ENPP6: variants seen among roughly 807,000 people sequenced by gnomAD.
The protein encoded by ENPP6 is ectonucleotide pyrophosphatase/phosphodiesterase 6.
In ENPP6, 32 loss-of-function variants were observed where a neutral mutation model predicts 42.0. The ratio of observed to expected loss-of-function variants is 0.76; its 90% CI spans 0.58 to 1.02. ENPP6 has a LOEUF of 1.02. Among genes scored for constraint, ENPP6 ranks in the 50% least tolerant of loss-of-function variants. The pLI, the probability that ENPP6 is intolerant of heterozygous loss-of-function variation, is 0.00. For missense variants in ENPP6, 552 were observed against 566.8 expected (o/e 0.97, Z 0.27); for synonymous variants, 213 against 216.0 (o/e 0.99, Z 0.12).
chr4:184,110,466 CTG>C (rs1443665460), intron 6 of ENPP6, among the ~76,000 whole-genome samples: 2 of 152,204 alleles, frequency 1.3e-5, no homozygotes, highest in Non-Finnish European at 2.9e-5. Flanking sequence ...GTATTCATAA[CTG>C]TGTATGTTTT....
chr4:184,200,916 C>G (rs1732884354), intron 1 of ENPP6, among the ~76,000 whole-genome samples: 1 of 152,192 alleles, frequency 6.6e-6, no homozygotes, highest in African/African-American at 2.4e-5. Flanking sequence ...GTTCCTTCAT[C>G]AAGAAGTAAA....
At chr4:184,189,808 C>T (rs150901000) in intron 1 of ENPP6, among the ~76,000 whole-genome samples, 94 of 152,322 alleles carry the variant, frequency 6.2e-4, no homozygotes, top group Non-Finnish European at 8.4e-4. Flanking sequence ...ACTTCTGGTC[C>T]ATCCTGACTC....
intron 1 of ENPP6, among the ~76,000 whole-genome samples, chr4:184,192,510 G>A (rs111742525): frequency 1.0e-3 from 159 of 152,238 alleles, no homozygotes; most frequent in African/African-American, 3.4e-3. Context: ...GAAAACATAG[G>A]AGTAAATCAT....
At chr4:184,214,269 T>C (rs1181649916) in intron 1 of ENPP6, among the ~76,000 whole-genome samples, 1 of 151,806 alleles carries the variant, frequency 6.6e-6, no homozygotes, top group African/African-American at 2.4e-5. Context: ...AAAGATTCAA[T>C]GTTCCTGGCA....
intron 6 of ENPP6, among the ~76,000 whole-genome samples, chr4:184,109,686 C>A (rs927544002): frequency 2.6e-5 from 4 of 152,136 alleles, no homozygotes; most frequent in Non-Finnish European, 5.9e-5. Flanking sequence ...TACCTCAAAT[C>A]TTCCTTTGGA....
chr4:184,201,499 T>C (rs187349861), intron 1 of ENPP6, among the ~76,000 whole-genome samples: 1 of 152,252 alleles, frequency 6.6e-6, no homozygotes, highest in Admixed American at 6.5e-5. Flanking sequence ...TTGCTGTTAT[T>C]ACAATCAAAA....
intron 2 of ENPP6, among the ~76,000 whole-genome samples, chr4:184,135,294 A>C (rs1736714343): frequency 6.6e-6 from 1 of 152,196 alleles, no homozygotes; most frequent in Non-Finnish European, 1.5e-5. Context: ...AGATGTGTTT[A>C]AATCCACTAT....
intron 6 of ENPP6, among the ~76,000 whole-genome samples, chr4:184,102,152 G>T (rs138396684): frequency 6.6e-6 from 1 of 152,308 alleles, no homozygotes; most frequent in Non-Finnish European, 1.5e-5. Flanking sequence ...CTTTACCTCC[G>T]AATCAGAAAC....
At chr4:184,168,545 C>T (rs1013046160) in intron 1 of ENPP6, among the ~76,000 whole-genome samples, 19 of 152,346 alleles carry the variant, frequency 1.2e-4, no homozygotes, top group African/African-American at 4.6e-4. Flanking sequence ...CGCGGGGCTC[C>T]GGACAGCAAG....
intron 2 of ENPP6, among the ~76,000 whole-genome samples, chr4:184,153,014 C>A (rs1415152589): frequency 6.6e-6 from 1 of 151,516 alleles, no homozygotes; most frequent in East Asian, 1.9e-4. Flanking sequence ...AGCAAGCTAT[C>A]CTGTGGTGTT....
At chr4:184,131,205 T>TTTCTTTCTTTC (rs1736617090) in intron 2 of ENPP6, among the ~76,000 whole-genome samples, 6 of 65,986 alleles carry the variant, frequency 9.1e-5, no homozygotes, top group East Asian at 7.6e-4. Flanking sequence ...TTCTTTCTTC[T>TTTCTTTCTTTC]TTCTTTCTTT....
At chr4:184,139,159 A>G (rs1252933002) in intron 2 of ENPP6, among the ~76,000 whole-genome samples, 1 of 152,208 alleles carries the variant, frequency 6.6e-6, no homozygotes, top group Non-Finnish European at 1.5e-5. Context: ...GTGAAATCCC[A>G]AAAGGGAAAA....
In ENPP6 at chr4:184,116,984, T is replaced by C. The variant is rs867769490; in HGVS notation, c.727A>G (p.Met243Val). Residue 243 changes from methionine to valine, a missense_variant, in exon 5 of 8, where the codon ATG (methionine) becomes GTG (valine). By Grantham distance (21) the Met-to-Val change is conservative. Transcript: ENST00000296741. Reference sequence around the variant, plus strand: ...TTGTCCATCCAGAAAATGTCGGTCATTCCGTGATCCGAGAAAATAATGACG... The same window carrying C: ...TTGTCCATCCAGAAAATGTCGGTCACTCCGTGATCCGAGAAAATAATGACG... The part of the protein sequence containing the change: ...LNVIIFSDHG[M>V]TDIFWMDKVI... The C allele has an allele frequency of 1.6e-5, 26 of 1,614,188 alleles. 1 individual carries two copies. In the Middle Eastern group the frequency reaches 8.2e-4, roughly 51 times the overall value.
At chr4:184,107,064 A>G (rs964352793) in intron 6 of ENPP6, among the ~76,000 whole-genome samples, 3 of 152,000 alleles carry the variant, frequency 2.0e-5, no homozygotes, top group Non-Finnish European at 2.9e-5. Flanking sequence ...GTGACAACCC[A>G]ACCTGCCCCA....
At chr4:184,213,270 A>G (rs1733145491) in intron 1 of ENPP6, among the ~76,000 whole-genome samples, 1 of 151,870 alleles carries the variant, frequency 6.6e-6, no homozygotes, top group Non-Finnish European at 1.5e-5. Context: ...GCTTCTGCAC[A>G]GCAAAAGAAA....
chr4:184,159,634 CATT>C (rs1737229767), intron 1 of ENPP6, among the ~76,000 whole-genome samples: 1 of 151,994 alleles, frequency 6.6e-6, no homozygotes, highest in Admixed American at 6.6e-5. Context: ...GGAGAACTGA[CATT>C]ATTATTTTTT....
intron 3 of ENPP6, among the ~76,000 whole-genome samples, chr4:184,123,319 T>A (rs1736450741): frequency 6.6e-6 from 1 of 152,056 alleles, no homozygotes; most frequent in Non-Finnish European, 1.5e-5. Flanking sequence ...GTATGTTGGT[T>A]CTCGGATATG....
In ENPP6 at chr4:184,114,667, C is replaced by A. The variant is rs1417145126; in HGVS notation, c.856-1858G>T. 2.0e-5 allele frequency among the ~76,000 whole-genome samples: 3 copies of A among 152,120 alleles called. No individual in the cohort carries two copies. In the East Asian group the frequency reaches 5.8e-4, roughly 29 times the overall value. ...CTGCAATGCCTGACTTGAACAGTAC[C>A]TTGGAAGGCGCTCTCCCTAGCTCAA... On this transcript the variant is annotated intron_variant, in intron 5 of 7. Transcript: ENST00000296741.
chr4:184,130,201 T>TA (rs1012784069), intron 2 of ENPP6, among the ~76,000 whole-genome samples: 1 of 151,976 alleles, frequency 6.6e-6, no homozygotes, highest in Non-Finnish European at 1.5e-5. Flanking sequence ...GCAGCTGCCT[T>TA]GAAACTATAG....
Sources: gnomAD v4.1 joint callset for allele counts (sites outside exome capture counted in the v4.1 genomes callset) on GRCh38, gnomAD v4.1.1 for gene constraint, MANE v1.5 for transcripts, NCBI Gene and HGNC (gene_info 2026-07-23, HGNC 2026-07-21) for gene names.